Variants in RBFOX1 observed in about 807,000 individuals in gnomAD.
The protein encoded by RBFOX1 is RNA binding protein fox-1 homolog 1.
A neutral mutation model predicts 57.7 loss-of-function variants in RBFOX1; 8 were observed. The ratio of observed to expected loss-of-function variants is 0.14; its 90% confidence interval spans 0.08 to 0.25. The LOEUF is 0.25. RBFOX1 is among the 10% of genes least tolerant of loss of function. The pLI is 1.00. For synonymous variants in RBFOX1, 326 were observed against 222.4 expected (o/e 1.47, Z -4.15); for missense variants, 611 against 548.5 (o/e 1.11, Z -1.14).
At chr16:6,182,992 A>T (rs1353458698) in intron 1 of RBFOX1, among the ~76,000 whole-genome samples, 5 of 152,226 alleles carry the variant, frequency 3.3e-5, no homozygotes, top group African/African-American at 1.2e-4. Flanking sequence ...GAAATGTCAG[A>T]TCATATACAT....
intron 1 of RBFOX1, among the ~76,000 whole-genome samples, chr16:5,407,911 G>C (rs1331963872): frequency 1.3e-5 from 2 of 152,316 alleles, no homozygotes; most frequent in Non-Finnish European, 2.9e-5. Flanking sequence ...GATGGGATTA[G>C]ATTTACATTT....
At chr16:7,703,817 T>C (rs921116337) in intron 14 of RBFOX1, among the ~76,000 whole-genome samples, 3 of 152,220 alleles carry the variant, frequency 2.0e-5, no homozygotes, top group Admixed American at 2.0e-4. Context: ...GAACTACATC[T>C]GTAACTCATA....
intron 14 of RBFOX1, chr16:7,693,192 C>T: frequency 1.3e-6 from 1 of 744,958 alleles, no homozygotes; most frequent in Non-Finnish European, 2.4e-6. Flanking sequence ...CAGCACATTT[C>T]CTCGCAACAT....
At chr16:5,744,769 CTTTTTT>C (rs2052908881) in intron 3 of RBFOX1, among the ~76,000 whole-genome samples, 1 of 152,012 alleles carries the variant, frequency 6.6e-6, no homozygotes, top group African/African-American at 2.4e-5. Context: ...CTTTCTTTTT[CTTTTTT>C]GAGACAGAGT....
chr16:5,685,410 G>T lies in RBFOX1; in HGVS notation c.318+86449G>T, dbSNP rs1195036396. On this transcript the variant is annotated intron_variant, in intron 3 of 19. Transcript: ENST00000641259. ...TCCAAACAACATTATTATTGCCTAAGGTTTTGCCTTAAATCCATCAGCCTA... is the reference window on the plus strand; with the variant it reads ...TCCAAACAACATTATTATTGCCTAATGTTTTGCCTTAAATCCATCAGCCTA... Among the ~76,000 whole-genome samples, 4 of 152,232 alleles carry T rather than the reference G, an allele frequency of 2.6e-5. No individual in the cohort carries two copies. In the East Asian group the frequency reaches 5.8e-4, roughly 22 times the overall value.
intron 3 of RBFOX1, among the ~76,000 whole-genome samples, chr16:5,780,206 T>C (rs1324830926): frequency 6.6e-6 from 1 of 152,220 alleles, no homozygotes; most frequent in African/African-American, 2.4e-5. Flanking sequence ...TTTCACTATC[T>C]TGGCCAGGCT....
intron 3 of RBFOX1, among the ~76,000 whole-genome samples, chr16:5,861,011 A>G (rs1458339376): frequency 6.6e-6 from 1 of 152,186 alleles, no homozygotes; most frequent in Non-Finnish European, 1.5e-5. Flanking sequence ...TACCAAAGAG[A>G]AACTGGGTTT....
chr16:7,679,328 C>G (rs557785072), intron 14 of RBFOX1, among the ~76,000 whole-genome samples: 1 of 152,094 alleles, frequency 6.6e-6, no homozygotes, highest in Non-Finnish European at 1.5e-5. Context: ...ATTGTGTAAC[C>G]AATTATTTTT....
At chr16:6,858,060 C>A (rs905124589) in intron 3 of RBFOX1, among the ~76,000 whole-genome samples, 1 of 152,210 alleles carries the variant, frequency 6.6e-6, no homozygotes, top group East Asian at 1.9e-4. Context: ...CAAGAATGGC[C>A]TTGCTTAAAG....
chr16:5,887,613 A>G (rs1283647924), intron 4 of RBFOX1, among the ~76,000 whole-genome samples: 2 of 152,260 alleles, frequency 1.3e-5, no homozygotes, highest in African/African-American at 4.8e-5. Context: ...CAAGTTGGCC[A>G]GGCTGGCCTT....
In RBFOX1 at chr16:7,449,133, T is replaced by G. The variant is rs568861715; in HGVS notation, c.28-69014T>G. The stretch of plus-strand genomic sequence containing the variant: ...TAGTAGAGACGGGGTTTCTCCATGT[T>G]GGTCAGGCTGGTCTCGAACTCCCGA... On this transcript the variant is annotated intron_variant, in intron 4 of 15. Coordinates refer to ENST00000550418, the MANE Select transcript of RBFOX1 (RefSeq NM_018723.4). 3.9e-5 allele frequency among the ~76,000 whole-genome samples: 6 copies of G among 152,170 alleles called. No homozygotes were observed. In the South Asian group the frequency reaches 1.2e-3, roughly 32 times the overall value.
chr16:6,799,700 C>A (rs972115147), intron 3 of RBFOX1, among the ~76,000 whole-genome samples: 6 of 152,124 alleles, frequency 3.9e-5, no homozygotes, highest in African/African-American at 1.4e-4. Context: ...CTGAGTCTTC[C>A]ACCTTTCGTC....
At chr16:6,706,839 C>T (rs2062839528) in intron 3 of RBFOX1, among the ~76,000 whole-genome samples, 2 of 151,802 alleles carry the variant, frequency 1.3e-5, no homozygotes, top group South Asian at 4.2e-4. Flanking sequence ...AATAGGTGAC[C>T]AGAAGTCATC....
At chr16:6,841,142 G>C (rs374137231) in intron 3 of RBFOX1, among the ~76,000 whole-genome samples, 1 of 151,832 alleles carries the variant, frequency 6.6e-6, no homozygotes, top group South Asian at 2.1e-4. Flanking sequence ...GTACACTCTG[G>C]ATATTAGCCT....
intron 14 of RBFOX1, among the ~76,000 whole-genome samples, chr16:7,705,460 G>T (rs1346278113): frequency 1.3e-5 from 2 of 151,222 alleles, no homozygotes; most frequent in Non-Finnish European, 3.0e-5. Context: ...AGCCAAGATT[G>T]TGCCACTGCA....
At chr16:5,706,106 T>G (rs1234468125) in intron 3 of RBFOX1, among the ~76,000 whole-genome samples, 1 of 152,210 alleles carries the variant, frequency 6.6e-6, no homozygotes, top group Non-Finnish European at 1.5e-5. Context: ...AGATGGGGTT[T>G]CACCATGTTG....
At chr16:5,404,857 A>G (rs1048507551) in intron 1 of RBFOX1, among the ~76,000 whole-genome samples, 3 of 152,214 alleles carry the variant, frequency 2.0e-5, no homozygotes, top group Non-Finnish European at 4.4e-5. Flanking sequence ...TGAAACCACC[A>G]AAGTCTTAAC....
intron 4 of RBFOX1, among the ~76,000 whole-genome samples, chr16:7,348,601 A>G (rs1404121841): frequency 6.6e-6 from 1 of 152,190 alleles, no homozygotes; most frequent in African/African-American, 2.4e-5. Context: ...GGAAAAGAAG[A>G]TAGGGACAAA....
At chr16:6,203,744 T>C (rs75185676) in intron 1 of RBFOX1, among the ~76,000 whole-genome samples, 1,846 of 152,280 alleles carry the variant, frequency 0.012, 43 homozygotes, top group African/African-American at 0.042. Context: ...GTCTCTTGTG[T>C]GTTCATAGAA....
Sources: allele counts gnomAD v4.1 joint callset (sites outside exome capture counted in the v4.1 genomes callset), GRCh38; gene constraint gnomAD v4.1.1; transcripts MANE v1.5; gene names NCBI Gene and HGNC (gene_info 2026-07-23, HGNC 2026-07-21).